Variants in KDM4A observed in about 807,000 individuals in gnomAD.
The protein encoded by KDM4A is lysine-specific demethylase 4A.
A neutral mutation model predicts 127.1 loss-of-function variants in KDM4A; 23 were observed. The observed-to-expected ratio is 0.18, with a 90% CI of 0.13 to 0.26. KDM4A has a LOEUF of 0.26. KDM4A is among the 10% of genes least tolerant of loss of function. The pLI is 1.00. For missense variants in KDM4A, 890 were observed against 1,329.1 expected (o/e 0.67, Z 5.14); for synonymous variants, 443 against 466.5 (o/e 0.95, Z 0.65).
In KDM4A at chr1:43,698,057, A is replaced by G. The variant is rs1661286429; in HGVS notation, c.2841+44A>G. The G allele has an allele frequency of 3.1e-6, 5 of 1,591,936 alleles. No individual in the cohort carries two copies. In the South Asian group the frequency reaches 4.4e-5, roughly 14 times the overall value. On this transcript the variant is annotated intron_variant, in intron 19 of 21. Transcript: ENST00000372396. ...TTCTCAGGCAGTTTGGAATGGGGGG[A>G]TGTTTCTAAGGTCTGGCTGGCAGAC...
chr1:43,691,045 T>C lies in KDM4A; in HGVS notation c.2238T>C (p.His746=). 1 of 1,613,910 alleles carries C rather than the reference T, an allele frequency of 6.2e-7. No homozygotes were observed. Among genetic ancestry groups the C allele is most frequent in the Non-Finnish European group, 8.5e-7 (1 of 1,180,000 alleles). Residue 746 remains histidine, a synonymous_variant, in exon 14 of 22, where the codon CAT becomes CAC. Coordinates refer to ENST00000372396, the MANE Select transcript of KDM4A (RefSeq NM_014663.3). ...VSCKKCSVRV[H]ASCYGVPPAK... ...GCAAGAAGTGCAGCGTCCGGGTCCA[T>C]GCCAGTGAGTGCTGCTCACCTTTCT... is the stretch of plus-strand genomic sequence containing the variant.
chr1:43,684,054 C>T lies in KDM4A; in HGVS notation c.1855+250C>T, dbSNP rs561644217. Among the ~76,000 whole-genome samples, 15 of 152,228 alleles carry T rather than the reference C, an allele frequency of 9.9e-5. No individual in the cohort carries two copies. The South Asian group carries it at 2.9e-3, about 30-fold the overall frequency. Reference sequence around the variant, plus strand: ...GCAGGCAGGTTTTTTCCTTTCTTTTCCTGGGAGGTACAAGGCTGATTTTTC... The same window carrying T: ...GCAGGCAGGTTTTTTCCTTTCTTTTTCTGGGAGGTACAAGGCTGATTTTTC... On this transcript the variant is annotated intron_variant, in intron 12 of 21. Coordinates refer to ENST00000372396, the MANE Select transcript of KDM4A (RefSeq NM_014663.3).
chr1:43,689,759 G>T (rs942942896), intron 13 of KDM4A, among the ~76,000 whole-genome samples: 1 of 152,210 alleles, frequency 6.6e-6, no homozygotes, highest in Admixed American at 6.5e-5. Flanking sequence ...TAGCAGGTAG[G>T]TAAGTGGTCC....
intron 5 of KDM4A, among the ~76,000 whole-genome samples, chr1:43,664,383 A>G (rs1442825350): frequency 6.6e-6 from 1 of 152,162 alleles, no homozygotes; most frequent in African/African-American, 2.4e-5. Context: ...CCTGGCCAAC[A>G]TGGTGAAACC....
chr1:43,650,685 G>T (rs1383305859), intron 1 of KDM4A: 1 of 152,288 alleles, frequency 6.6e-6, no homozygotes, highest in Non-Finnish European at 1.5e-5. Flanking sequence ...GTAAGTACCG[G>T]GCCTAGTGCT....
intron 1 of KDM4A, among the ~76,000 whole-genome samples, chr1:43,652,053 C>G (rs1427739586): frequency 1.3e-5 from 2 of 152,162 alleles, no homozygotes; most frequent in Non-Finnish European, 2.9e-5. Flanking sequence ...TATCAAAGTA[C>G]TTTTGAACCC....
At position 43,704,077 on chromosome 1, in the gene KDM4A, G is replaced by A. The variant is rs1380002679; in HGVS notation, c.3019G>A (p.Asp1007Asn). The A allele has an allele frequency of 3.7e-6, 6 of 1,614,136 alleles. No individual in the cohort carries two copies. The highest frequency in any genetic ancestry group is 2.2e-5 in the South Asian group (2 of 91,076). ...TAAGAGAGATGATGTATACACACTG[G>A]ATGAAGAGCTTCCCAAGAGAGTCAA... ...VVKRDDVYTL[D>N]EELPKRVKSR... Residue 1007 changes from aspartate to asparagine, a missense_variant, in exon 21 of 22, where the codon GAT becomes AAT. Physicochemically the swap from Asp to Asn is conservative, Grantham distance 23. Around this residue, in one of 7 missense-constraint regions of KDM4A, gnomAD observed 246 missense variants for 418.4 expected, o/e 0.59. Transcript: ENST00000372396.
At chr1:43,677,900 G>A (rs1660778119) in intron 11 of KDM4A, among the ~76,000 whole-genome samples, 1 of 152,140 alleles carries the variant, frequency 6.6e-6, no homozygotes, top group African/African-American at 2.4e-5. Context: ...AACCAATTAG[G>A]AACCTGTTTC....
intron 3 of KDM4A, among the ~76,000 whole-genome samples, chr1:43,659,905 G>T (rs1183476825): frequency 6.6e-6 from 1 of 152,150 alleles, no homozygotes; most frequent in African/African-American, 2.4e-5. Context: ...GAAAGCCTTA[G>T]CTCTTCACAT....
rs545104437 is a variant in KDM4A at position 43,666,366 on chromosome 1, G to A, written c.674-86G>A. 42 of 1,043,238 alleles carry A rather than the reference G, an allele frequency of 4.0e-5. 1 individual carries two copies. Among genetic ancestry groups the A allele is most frequent in the East Asian group, 3.8e-4 (16 of 41,810 alleles). The allele number at this position is 1,043,238 out of a possible 1,614,324, so 64.6% of individuals were successfully genotyped here. ...GGTGATGCATCCTCTTTATCATTCCGATGAGAAGCACAGGTGTGAAGTGAC... is the reference window on the plus strand; with the variant it reads ...GGTGATGCATCCTCTTTATCATTCCAATGAGAAGCACAGGTGTGAAGTGAC... On this transcript the variant is annotated intron_variant, in intron 6 of 21. Transcript: ENST00000372396.
chr1:43,666,311 G>A (rs1361016157), intron 6 of KDM4A, 141 bp from the exon 7 acceptor site: 7 of 649,622 alleles, frequency 1.1e-5, no homozygotes, highest in African/African-American at 3.7e-5. Flanking sequence ...GAATTGGTGC[G>A]GAGCTATAAG....
intron 5 of KDM4A, among the ~76,000 whole-genome samples, chr1:43,664,129 G>A (rs1273785297): frequency 1.3e-5 from 2 of 152,170 alleles, no homozygotes; most frequent in Admixed American, 6.6e-5. Flanking sequence ...GATTAAAGAA[G>A]GCTTCTTTCA....
At position 43,667,974 on chromosome 1, in the gene KDM4A, A is replaced by G; in HGVS notation, c.1118A>G (p.Asp373Gly). The stretch of plus-strand genomic sequence containing the variant: ...AACGAGGAGGAGTGCCCAGAGGAGG[A>G]CATGGAAGGGGTGGAGGATGGAGAG... ...AGNEEECPEE[D>G]MEGVEDGEEG... is the part of the protein sequence containing the mutation. The change falls in exon 9 of 22, where the codon GAC becomes GGC. Residue 373 changes from aspartate (D) to glycine (G), a missense_variant. Coordinates refer to ENST00000372396, the MANE Select transcript of KDM4A (RefSeq NM_014663.3). The G allele has an allele frequency of 6.2e-7, 1 of 1,614,146 alleles. No individual in the cohort carries two copies.
rs535890959 is a variant in KDM4A at position 43,664,426 on chromosome 1, G to A, written c.624-1270G>A. Reference sequence around the variant, plus strand: ...ACTAAAAACACAAAATTAGCCAGGCGTGGTGTGTTTAGGGAGCTAGGGGGA... The same window carrying A: ...ACTAAAAACACAAAATTAGCCAGGCATGGTGTGTTTAGGGAGCTAGGGGGA... On this transcript the variant is annotated intron_variant, in intron 5 of 21. Coordinates refer to ENST00000372396, the MANE Select transcript of KDM4A (RefSeq NM_014663.3). Among the ~76,000 whole-genome samples the A allele has an allele frequency of 2.5e-4, 38 of 152,252 alleles. No homozygotes were observed. In the East Asian group the frequency reaches 6.7e-3, roughly 27 times the overall value.
chr1:43,694,649 A>C lies in KDM4A; in HGVS notation c.2485-60A>C. On this transcript the variant is annotated intron_variant, in intron 17 of 21. Coordinates refer to ENST00000372396, the MANE Select transcript of KDM4A (RefSeq NM_014663.3). The surrounding 1 kb of genome is among the most constrained non-coding windows in gnomAD (Gnocchi z 5.2). ...TTGGCTTTGCATTTGGGAGGGGAAC[A>C]ACAGAGGAAGCTGCAGTGCCAGTTC... 1.4e-6 allele frequency: 2 copies of C among 1,479,128 alleles called. No homozygotes were observed. Among genetic ancestry groups the C allele is most frequent in the Non-Finnish European group, 1.9e-6 (2 of 1,075,100 alleles). The allele number at this position is 1,479,128 out of a possible 1,614,324, so 91.6% of individuals were successfully genotyped here.
chr1:43,665,486 T>C (rs1660480613), intron 5 of KDM4A, among the ~76,000 whole-genome samples: 1 of 152,092 alleles, frequency 6.6e-6, no homozygotes, highest in Non-Finnish European at 1.5e-5. Flanking sequence ...AGTGAATGAA[T>C]ATAGAAGAAA....
chr1:43,685,762 TCTC>T (rs978464264), intron 12 of KDM4A, among the ~76,000 whole-genome samples: 1 of 93,986 alleles, frequency 1.1e-5, no homozygotes, highest in African/African-American at 3.5e-5. Context: ...CGAGTCTCTG[TCTC>T]AACAACAACA....
intron 7 of KDM4A, 39 bp downstream of exon 7, chr1:43,666,594 C>A (rs1348808827): frequency 1.3e-6 from 2 of 1,496,924 alleles, no homozygotes; most frequent in Non-Finnish European, 1.9e-6. Context: ...CAGGCACCAC[C>A]CTTTCTGGCC....
In KDM4A at chr1:43,673,825, T is replaced by C. The variant is rs549857056; in HGVS notation, c.1734+1950T>C. 9.8e-5 allele frequency among the ~76,000 whole-genome samples: 15 copies of C among 152,380 alleles called. No individual in the cohort carries two copies. The South Asian group carries it at 3.1e-3, about 32-fold the overall frequency. ...TTTCATCCATCCTACTGTTGACTAC[T>C]GTTCACTACAGTTCATGCTGTCCTC... On this transcript the variant is annotated intron_variant, in intron 11 of 21. Transcript: ENST00000372396.
Sources: allele counts gnomAD v4.1 joint callset (sites outside exome capture counted in the v4.1 genomes callset), GRCh38; gene constraint gnomAD v4.1.1; regional missense constraint gnomAD v4.1.1; non-coding constraint Gnocchi (gnomAD v3.1); transcripts MANE v1.5; gene names NCBI Gene and HGNC (gene_info 2026-07-23, HGNC 2026-07-21).